Variants in PEF1 observed in about 807,000 individuals in gnomAD.
PEF1 encodes the protein peflin.
PEF1 carries 17 observed loss-of-function variants against 32.0 expected under a neutral mutation model. The observed-to-expected ratio is 0.53, with a 90% CI of 0.36 to 0.80. The LOEUF is 0.80. PEF1 is among the 30% of genes least tolerant of loss of function. The pLI is 0.00. For missense variants in PEF1, 362 were observed against 369.1 expected, an observed-to-expected ratio of 0.98 and a Z score of 0.16; for synonymous variants, 130 against 139.8, an observed-to-expected ratio of 0.93 and a Z score of 0.50.
chr1:31,633,209 A>C lies in PEF1; in HGVS notation c.431T>G (p.Val144Gly). The C allele has an allele frequency of 6.2e-7, 1 of 1,614,072 alleles. No homozygotes were observed. The highest frequency in any genetic ancestry group is 8.5e-7 in the Non-Finnish European group (1 of 1,179,994). ...ATTGAATGAAGACCAATTGCAGTTG[A>C]CCAGGGCCTGCTTTAGCTCCTTCAT... ...ISMKELKQALVNCNWSSFNDE... is the reference protein window; with the variant it reads ...ISMKELKQALGNCNWSSFNDE... The change falls in exon 3 of 5, where the codon GTC becomes GGC. Residue 144 changes from valine to glycine, a missense_variant. Physicochemically the swap from Val to Gly is moderately radical, Grantham distance 109. Transcript: ENST00000373703.
chr1:31,641,260 C>G (rs1320069075), intron 1 of PEF1, among the ~76,000 whole-genome samples: 2 of 152,180 alleles, frequency 1.3e-5, no homozygotes, highest in Non-Finnish European at 2.9e-5. Flanking sequence ...AAATCTACCT[C>G]CCAAGTGCTT....
chr1:31,630,853 G>A lies in PEF1; in HGVS notation c.626-11C>T. 1 of 1,592,564 alleles carries A rather than the reference G, an allele frequency of 6.3e-7. No individual in the cohort carries two copies. The highest frequency in any genetic ancestry group is 1.1e-5 in the South Asian group (1 of 89,818). On this transcript the variant is annotated splice_polypyrimidine_tract_variant and intron_variant, in intron 4 of 4. Transcript: ENST00000373703. ...CCATTTGGGACAGAGCTGGAGAAGA[G>A]GGGCACACAGACCAGACACACAAAA... is the stretch of plus-strand genomic sequence containing the variant.
Position 31,630,471 on chromosome 1 carries a change from C to T in PEF1, c.*142G>A, listed in dbSNP as rs993333550. 1 of 887,800 alleles carries T rather than the reference C, an allele frequency of 1.1e-6. No individual in the cohort carries two copies. The highest frequency in any genetic ancestry group is 1.7e-5 in the African/African-American group (1 of 60,330). 55.0% of individuals were successfully genotyped at this position (887,800 alleles called of 1,614,324 possible). ...GTGGCTATGATGCAGGACTCTCCAC[C>T]CTCTTTTGGAACAGTGTTGCATCAA... is the stretch of plus-strand genomic sequence containing the variant. On this transcript the variant is annotated 3_prime_UTR_variant, in exon 5 of 5. Transcript: ENST00000373703.
chr1:31,637,012 T>C (rs1640269453), intron 1 of PEF1, among the ~76,000 whole-genome samples: 1 of 152,218 alleles, frequency 6.6e-6, no homozygotes, highest in Non-Finnish European at 1.5e-5. Context: ...ACCATCTAGA[T>C]ACGTTCTAGA....
intron 3 of PEF1, 30 bp from the exon 4 acceptor site, chr1:31,632,668 A>G: frequency 6.2e-7 from 1 of 1,609,302 alleles, no homozygotes; most frequent in Admixed American, 1.7e-5. Context: ...GGAGGGGAGG[A>G]AGGCTTCAAG....
chr1:31,630,722 T>A lies in PEF1; in HGVS notation c.746A>T (p.Gln249Leu). 6.2e-7 allele frequency: 1 copy of A among 1,614,164 alleles called. No homozygotes were observed. The highest frequency in any genetic ancestry group is 8.5e-7 in the Non-Finnish European group (1 of 1,180,040). The change falls in exon 5 of 5, where the codon CAG becomes CTG. Residue 249 changes from glutamine (Q) to leucine (L), a missense_variant. Physicochemically the swap from Gln to Leu is moderately radical, Grantham distance 113. Transcript: ENST00000373703. ...QLDRFIQVCT[Q>L]LQVLTEAFRE... Reference sequence around the variant, plus strand: ...GAAGGCCTCTGTCAGCACCTGCAGCTGGGTGCACACCTGGATGAAGCGGTC... The same window carrying A: ...GAAGGCCTCTGTCAGCACCTGCAGCAGGGTGCACACCTGGATGAAGCGGTC...
At chr1:31,641,206 G>A (rs1356163299) in intron 1 of PEF1, among the ~76,000 whole-genome samples, 1 of 152,094 alleles carries the variant, frequency 6.6e-6, no homozygotes, top group African/African-American at 2.4e-5. Flanking sequence ...AGTGAATGGA[G>A]CTCCGTTCTG....
At chr1:31,638,199 G>C (rs150584827) in intron 1 of PEF1, among the ~76,000 whole-genome samples, 1 of 152,304 alleles carries the variant, frequency 6.6e-6, no homozygotes, top group African/African-American at 2.4e-5. Context: ...GGATTCCCAA[G>C]GGGTTGGAGA....
intron 2 of PEF1, 25 bp downstream of exon 2, chr1:31,635,197 C>G: frequency 6.2e-7 from 1 of 1,610,632 alleles, no homozygotes; most frequent in Non-Finnish European, 8.5e-7. Context: ...GTCAGAGGTA[C>G]CCGGAGTCCA....
intron 4 of PEF1, among the ~76,000 whole-genome samples, chr1:31,631,729 T>C (rs1640108815): frequency 6.6e-6 from 1 of 152,246 alleles, no homozygotes; most frequent in Admixed American, 6.5e-5. Flanking sequence ...CCCTTACTAA[T>C]ATCCACGACA....
rs917974623 is a variant in PEF1, at chr1:31,635,539, A to G, written c.25-17T>C. On this transcript the variant is annotated splice_polypyrimidine_tract_variant and intron_variant, in intron 1 of 4. Transcript: ENST00000373703. ...TGGGCAGCCCTGCAGGAAGAGCAAG[A>G]TATCAGTCAGAATGATGAGGCCAGA... The G allele has an allele frequency of 1.2e-5, 18 of 1,506,608 alleles. No homozygotes were observed. The Admixed American group carries it at 3.5e-4, about 29-fold the overall frequency. 93.3% of individuals were successfully genotyped at this position (1,506,608 alleles called of 1,614,324 possible).
chr1:31,643,007 G>T (rs1640442560), intron 1 of PEF1, among the ~76,000 whole-genome samples: 1 of 152,326 alleles, frequency 6.6e-6, no homozygotes, highest in East Asian at 1.9e-4. Context: ...TTAGCATGTA[G>T]ATTCCTGGGT....
chr1:31,634,209 C>A (rs1300952210), intron 2 of PEF1, among the ~76,000 whole-genome samples: 3 of 152,172 alleles, frequency 2.0e-5, no homozygotes, highest in African/African-American at 7.2e-5. Context: ...CTTCCTAAAA[C>A]ATCGGTGTCA....
At chr1:31,634,255 G>T (rs77896924) in intron 2 of PEF1, among the ~76,000 whole-genome samples, 2,654 of 152,348 alleles carry the variant, frequency 0.017, 61 homozygotes, top group African/African-American at 0.061. Context: ...GGGCAGGAGA[G>T]ATTCTGTGAC....
Position 31,644,849 on chromosome 1 carries a change from A to G in PEF1, c.16T>C (p.Tyr6His), listed in dbSNP as rs1640510893. The G allele has an allele frequency of 6.2e-7, 1 of 1,613,876 alleles. No individual in the cohort carries two copies. Among genetic ancestry groups the G allele is most frequent in the African/African-American group, 1.3e-5 (1 of 74,938 alleles). The change falls in exon 1 of 5, where the codon TAC becomes CAC. Residue 6 changes from tyrosine (Y) to histidine (H), a missense_variant. By Grantham distance (83) the Tyr-to-His change is moderately conservative. Transcript: ENST00000373703. Reference protein sequence around the residue: MASYPYRQGCPGAAGQ... With the variant: MASYPHRQGCPGAAGQ... Reference sequence around the variant, plus strand: ...GCCCCTCACACACTCACCTGCCGGTAAGGATAGCTGGCCATGGTGATTCTG... The same window carrying G: ...GCCCCTCACACACTCACCTGCCGGTGAGGATAGCTGGCCATGGTGATTCTG...
chr1:31,642,511 G>A (rs1189418544), intron 1 of PEF1, among the ~76,000 whole-genome samples: 4 of 152,156 alleles, frequency 2.6e-5, no homozygotes, highest in Admixed American at 6.5e-5. Context: ...CTAACAATAG[G>A]CTGGAATCCT....
chr1:31,632,330 G>C, intron 4 of PEF1, 165 bp downstream of exon 4: 2 of 1,221,596 alleles, frequency 1.6e-6, no homozygotes, highest in African/African-American at 1.5e-5. Flanking sequence ...CAGTGCCCCA[G>C]CTGGGTCAAA....
intron 2 of PEF1, among the ~76,000 whole-genome samples, 179 bp from the exon 3 acceptor site, chr1:31,633,493 T>C (rs1640172981): frequency 6.6e-6 from 1 of 152,252 alleles, no homozygotes; most frequent in Admixed American, 6.5e-5. Context: ...TCATGAGTAT[T>C]TGCAGTTGAT....
intron 1 of PEF1, among the ~76,000 whole-genome samples, chr1:31,636,470 C>T (rs569793836): frequency 1.8e-4 from 27 of 152,002 alleles, no homozygotes; most frequent in African/African-American, 6.0e-4. Context: ...GAGTAAGATC[C>T]GATCTCAAAA....
Sources: gnomAD v4.1 joint callset for allele counts (sites outside exome capture counted in the v4.1 genomes callset) on GRCh38, gnomAD v4.1.1 for gene constraint, MANE v1.5 for transcripts, NCBI Gene and HGNC (gene_info 2026-07-23, HGNC 2026-07-21) for gene names.